ZNF83: variants seen among roughly 807,000 people sequenced by gnomAD.
ZNF83 encodes the protein zinc finger protein 83, also known as zinc finger protein 816B.
For missense variants in ZNF83, 552 were observed against 629.9 expected (o/e 0.88, Z 1.32); for synonymous variants, 209 against 213.0 (o/e 0.98, Z 0.17).
In ZNF83 at chr19:52,614,202, A is replaced by C. The variant is rs371403385; in HGVS notation, c.363T>G (p.Phe121Leu). The change falls in exon 3 of 3, where the codon TTT becomes TTG. Residue 121 changes from phenylalanine (F) to leucine (L), a missense_variant. Physicochemically the swap from Phe to Leu is conservative, Grantham distance 22 (BLOSUM62 0). Coordinates refer to ENST00000301096, the Ensembl canonical transcript of ZNF83. ...AGATCTTGCCACATATATCACATTT[A>C]AATTGCGTCTCTTTAGTATGGATTA... 30 of 1,613,992 alleles carry C rather than the reference A, an allele frequency of 1.9e-5. No individual in the cohort carries two copies. Among genetic ancestry groups the C allele is most frequent in the Non-Finnish European group, 2.5e-5 (30 of 1,180,020 alleles).
At chr19:52,668,957 C>A (rs1037772146) in intron 1 of ZNF83, among the ~76,000 whole-genome samples, 1 of 152,192 alleles carries the variant, frequency 6.6e-6, no homozygotes, top group African/African-American at 2.4e-5. Context: ...GCTTCCAACT[C>A]CCAACACTAA....
At chr19:52,631,461 A>C (rs1454995832) in intron 2 of ZNF83, among the ~76,000 whole-genome samples, 1 of 152,188 alleles carries the variant, frequency 6.6e-6, no homozygotes, top group Non-Finnish European at 1.5e-5. Context: ...GGCCCTCAAA[A>C]TCACAAACTA....
At chr19:52,653,339 T>C in intron 3 of ZNF83, 2 of 1,246,506 alleles carry the variant, frequency 1.6e-6, no homozygotes, top group South Asian at 2.4e-5. Flanking sequence ...GTATGAACTC[T>C]CTGATGTTGT....
chr19:52,678,297 A>C (rs2061851412), intron 1 of ZNF83, among the ~76,000 whole-genome samples: 1 of 151,352 alleles, frequency 6.6e-6, no homozygotes, highest in Non-Finnish European at 1.5e-5. Flanking sequence ...TAAAAATATA[A>C]AAATTAGCCA....
chr19:52,641,089 A>T (rs1330081054), upstream of ZNF83, among the ~76,000 whole-genome samples: 1 of 147,264 alleles, frequency 6.8e-6, no homozygotes, highest in Non-Finnish European at 1.5e-5. Flanking sequence ...CGCCCCCAAG[A>T]TGACGATAAC....
chr19:52,657,445 A>C (rs777747428), intron 2 of ZNF83, among the ~76,000 whole-genome samples: 6 of 151,782 alleles, frequency 4.0e-5, no homozygotes, highest in Non-Finnish European at 5.9e-5. Flanking sequence ...CTTTGTCTCT[A>C]CTAAAAATAC....
chr19:52,617,790 C>A (rs2060371930), intron 2 of ZNF83: 1 of 150,164 alleles, frequency 6.7e-6, no homozygotes, highest in Admixed American at 6.7e-5. Flanking sequence ...TCATGCTACA[C>A]AGTCCAGGGC....
At chr19:52,632,053 T>C (rs1906514) in intron 2 of ZNF83, among the ~76,000 whole-genome samples, 6 of 152,334 alleles carry the variant, frequency 3.9e-5, no homozygotes, top group South Asian at 4.1e-4. Context: ...TCTAGGTAGA[T>C]ACTTTCACTG....
chr19:52,616,926 C>G (rs2060329055), intron 2 of ZNF83: 1 of 152,086 alleles, frequency 6.6e-6, no homozygotes, highest in African/African-American at 2.4e-5. Flanking sequence ...AGCAAACTAA[C>G]ACAGGAACAG....
At chr19:52,686,393 A>C (rs1300207134) in intron 1 of ZNF83, among the ~76,000 whole-genome samples, 1 of 151,602 alleles carries the variant, frequency 6.6e-6, no homozygotes, top group Non-Finnish European at 1.5e-5. Flanking sequence ...TTCAGAAGTG[A>C]TTAAGTATTA....
At chr19:52,677,306 TAAAAA>T (rs67835464) in intron 1 of ZNF83, among the ~76,000 whole-genome samples, 3 of 106,464 alleles carry the variant, frequency 2.8e-5, no homozygotes, top group East Asian at 5.1e-4. Context: ...AATTGAGAAG[TAAAAA>T]AAAAAAAAAA....
At chr19:52,687,616 G>GTGTATA (rs1555792735) in intron 1 of ZNF83, among the ~76,000 whole-genome samples, 2 of 15,822 alleles carry the variant, frequency 1.3e-4, no homozygotes, top group Admixed American at 6.9e-4. Flanking sequence ...TATATAATGT[G>GTGTATA]TATATATATA....
chr19:52,655,623 G>A, exon 3 of ZNF83: 1 of 1,485,462 alleles, frequency 6.7e-7, no homozygotes, highest in Admixed American at 1.7e-5. Flanking sequence ...CCTCTGTGCA[G>A]GGTTCAGGCA....
intron 1 of ZNF83, among the ~76,000 whole-genome samples, chr19:52,666,263 G>A (rs1485599985): frequency 6.6e-6 from 1 of 151,846 alleles, no homozygotes; most frequent in East Asian, 1.9e-4. Context: ...AAGAGACAGA[G>A]AGTCAGAAAA....
chr19:52,677,900 T>C (rs1337388645), intron 1 of ZNF83, among the ~76,000 whole-genome samples: 5 of 151,884 alleles, frequency 3.3e-5, no homozygotes, highest in Non-Finnish European at 7.4e-5. Context: ...CTGGGCATGG[T>C]GGCACGTGCC....
exon 3 of ZNF83, chr19:52,613,987 GC>G: frequency 6.2e-7 from 1 of 1,613,346 alleles, no homozygotes; most frequent in Non-Finnish European, 8.5e-7. Context: ...TTGATGTTGT[GC>G]AAGGTGTGAA....
intron 1 of ZNF83, among the ~76,000 whole-genome samples, chr19:52,685,196 T>A (rs532954117): frequency 6.6e-6 from 1 of 152,224 alleles, no homozygotes; most frequent in East Asian, 1.9e-4. Flanking sequence ...GGGGCCAGGG[T>A]CACTCAGGGT....
intron 2 of ZNF83, among the ~76,000 whole-genome samples, chr19:52,620,278 G>C (rs867040081): frequency 0.19 from 28,413 of 151,364 alleles, 2,790 homozygotes; most frequent in Middle Eastern, 0.28. Flanking sequence ...CTCTGTGTGT[G>C]TGTGTGTGTG....
intron 1 of ZNF83, among the ~76,000 whole-genome samples, chr19:52,684,394 C>A (rs994831183): frequency 5.3e-5 from 8 of 151,288 alleles, no homozygotes; most frequent in African/African-American, 1.9e-4. Flanking sequence ...AATAAAAATA[C>A]AAAAATTAAC....
Sources: gnomAD v4.1 joint callset for allele counts (sites outside exome capture counted in the v4.1 genomes callset) on GRCh38, gnomAD v4.1.1 for gene constraint, MANE v1.5 for transcripts, NCBI Gene and HGNC (gene_info 2026-07-23, HGNC 2026-07-21) for gene names.